Variants in CDH13 observed in about 807,000 individuals in gnomAD.
CDH13 encodes the protein cadherin-13.
A neutral mutation model predicts 63.8 loss-of-function variants in CDH13; 24 were observed. The ratio of observed to expected loss-of-function variants is 0.38; its 90% CI spans 0.27 to 0.53. The LOEUF is 0.53. Among genes scored for constraint, CDH13 ranks in the 20% least tolerant of loss-of-function variants. The pLI, the probability that CDH13 is intolerant of heterozygous loss-of-function variation, is 0.85. For synonymous variants in CDH13, 503 were observed against 355.3 expected (o/e 1.42, Z -4.67); for missense variants, 1,049 against 903.1 (o/e 1.16, Z -2.07).
intron 1 of CDH13, among the ~76,000 whole-genome samples, chr16:82,777,571 A>G (rs2035555402): frequency 6.6e-6 from 1 of 152,220 alleles, no homozygotes; most frequent in South Asian, 2.1e-4. Flanking sequence ...CTGTATTAGT[A>G]ATCTATGGTT....
chr16:83,576,253 A>C lies in CDH13; in HGVS notation c.961-26201A>C, dbSNP rs567887671. On this transcript the variant is annotated intron_variant, in intron 7 of 13. Coordinates refer to ENST00000567109, the MANE Select transcript of CDH13 (RefSeq NM_001257.5). ...CTGGACCTTCCATATAAATGAACTC[A>C]TTCAATCTGTGACATTTTCGTGTCT... Among the ~76,000 whole-genome samples, 20 of 152,310 alleles carry C rather than the reference A, an allele frequency of 1.3e-4. No homozygotes were observed. The South Asian group carries it at 3.9e-3, about 30-fold the overall frequency.
chr16:83,540,493 A>G (rs2075278845), intron 7 of CDH13, among the ~76,000 whole-genome samples: 1 of 152,172 alleles, frequency 6.6e-6, no homozygotes, highest in Non-Finnish European at 1.5e-5. Context: ...GGGCTCTAGA[A>G]GCTCAGGGGT....
At position 83,379,936 on chromosome 16, in the gene CDH13, TATAGAG is replaced by T. The variant is rs928532532; in HGVS notation, c.781+34932_781+34937del. Among the ~76,000 whole-genome samples the T allele has an allele frequency of 2.3e-4, 21 of 91,814 alleles. No homozygotes were observed. The East Asian group carries it at 4.7e-3, about 21-fold the overall frequency. The allele number at this position is 91,814 out of a possible 152,430, so 60.2% of individuals were successfully genotyped here. A position where few individuals can be genotyped will look rare whatever the true frequency, so the allele number is the denominator to read the frequency against. The stretch of plus-strand genomic sequence containing the variant: ...GTGTGTGTGTATATATATATATATA[TATAGAG>T]AGAGAGAGAGAGAGAGAGAGAGAGA... On this transcript the variant is annotated intron_variant, in intron 6 of 13. Transcript: ENST00000567109.
chr16:82,889,432 G>A (rs1383956363), intron 2 of CDH13, among the ~76,000 whole-genome samples: 1 of 152,134 alleles, frequency 6.6e-6, no homozygotes, highest in African/African-American at 2.4e-5. Flanking sequence ...CGGGTTGATG[G>A]AAGAAAAAAT....
intron 2 of CDH13, among the ~76,000 whole-genome samples, chr16:82,943,826 G>T (rs1904394727): frequency 6.6e-6 from 1 of 152,192 alleles, no homozygotes; most frequent in South Asian, 2.1e-4. Flanking sequence ...TATTAATAAT[G>T]ACTTAGTTTT....
chr16:82,984,629 G>A (rs577832879), intron 2 of CDH13, among the ~76,000 whole-genome samples: 1 of 152,284 alleles, frequency 6.6e-6, no homozygotes, highest in South Asian at 2.1e-4. Flanking sequence ...TGTAGCAACT[G>A]TCTGAAGAAG....
At chr16:82,746,697 AT>A (rs1287074759) in intron 1 of CDH13, among the ~76,000 whole-genome samples, 1 of 152,092 alleles carries the variant, frequency 6.6e-6, no homozygotes, top group Non-Finnish European at 1.5e-5. Context: ...ATACAATTTC[AT>A]TTTCCTAAGA....
chr16:83,563,630 A>G (rs993622715), intron 7 of CDH13, among the ~76,000 whole-genome samples: 1 of 152,198 alleles, frequency 6.6e-6, no homozygotes, highest in African/African-American at 2.4e-5. Flanking sequence ...ACTGAAGTGC[A>G]AGTTTCCTCT....
chr16:82,716,847 C>G (rs1200127835), intron 1 of CDH13, among the ~76,000 whole-genome samples: 1 of 151,774 alleles, frequency 6.6e-6, no homozygotes, highest in Non-Finnish European at 1.5e-5. Flanking sequence ...TCTTCTTTGT[C>G]CTTTGCCTCA....
rs538434190 is a variant in CDH13 at position 83,800,507 on chromosome 16, C to T, written c.*5477C>T. 1 of 152,340 alleles carries T rather than the reference C, an allele frequency of 6.6e-6. No individual in the cohort carries two copies. The highest frequency in any genetic ancestry group is 2.1e-4 in the South Asian group (1 of 4,826). 9.4% of individuals were successfully genotyped at this position (152,340 alleles called of 1,614,324 possible). A position where few individuals can be genotyped will look rare whatever the true frequency, so the allele number is the denominator to read the frequency against. On this transcript the variant is annotated 3_prime_UTR_variant, in exon 14 of 14. Coordinates refer to ENST00000567109, the MANE Select transcript of CDH13 (RefSeq NM_001257.5). ...AATATTCAGTCTATGGCAGATGTCG[C>T]TCCTTTGGGCCCTCACTGCTGAATT...
chr16:82,946,304 C>T (rs1386866077), intron 2 of CDH13, among the ~76,000 whole-genome samples: 1 of 152,062 alleles, frequency 6.6e-6, no homozygotes, highest in African/African-American at 2.4e-5. Flanking sequence ...GAAAGAAGAA[C>T]ATCAGCAGCT....
At chr16:83,575,073 C>T (rs1018440698) in intron 7 of CDH13, among the ~76,000 whole-genome samples, 4 of 152,102 alleles carry the variant, frequency 2.6e-5, no homozygotes, top group Admixed American at 6.5e-5. Flanking sequence ...TAAAAATGAA[C>T]GAAGCACTGT....
At chr16:83,375,769 C>A (rs2091448789) in intron 6 of CDH13, among the ~76,000 whole-genome samples, 1 of 151,986 alleles carries the variant, frequency 6.6e-6, no homozygotes. Context: ...AAGCTTGTTG[C>A]AGGAAGAATG....
chr16:83,581,250 C>T (rs1195928520), intron 7 of CDH13, among the ~76,000 whole-genome samples: 2 of 152,126 alleles, frequency 1.3e-5, no homozygotes, highest in Non-Finnish European at 1.5e-5. Context: ...GTCATTTATC[C>T]CTGAGTACAG....
chr16:82,871,508 T>C (rs1457609572), intron 2 of CDH13, among the ~76,000 whole-genome samples: 1 of 151,474 alleles, frequency 6.6e-6, no homozygotes, highest in Non-Finnish European at 1.5e-5. Context: ...CTAAAAGAGG[T>C]TTTCCGAAAG....
At chr16:82,684,045 A>T (rs997202802) in intron 1 of CDH13, among the ~76,000 whole-genome samples, 2 of 152,210 alleles carry the variant, frequency 1.3e-5, no homozygotes, top group Non-Finnish European at 2.9e-5. Flanking sequence ...AGGACTATTT[A>T]TATTGAGGCA....
chr16:83,495,281 A>C (rs938224827), intron 7 of CDH13, among the ~76,000 whole-genome samples: 1 of 152,236 alleles, frequency 6.6e-6, no homozygotes, highest in Non-Finnish European at 1.5e-5. Context: ...AGGCAGGACA[A>C]CTGGAGGAGG....
At chr16:82,757,363 G>A (rs575240713) in intron 1 of CDH13, among the ~76,000 whole-genome samples, 1 of 152,286 alleles carries the variant, frequency 6.6e-6, no homozygotes, top group Non-Finnish European at 1.5e-5. Flanking sequence ...CAAGTCCAAA[G>A]GCCCTTGTCT....
intron 2 of CDH13, among the ~76,000 whole-genome samples, chr16:82,982,441 T>C (rs146208659): frequency 3.9e-5 from 6 of 152,304 alleles, no homozygotes; most frequent in African/African-American, 1.2e-4. Flanking sequence ...TCCTAAAAAA[T>C]CTAAAGTGTC....
Sources: gnomAD v4.1 joint callset for allele counts (sites outside exome capture counted in the v4.1 genomes callset) on GRCh38, gnomAD v4.1.1 for gene constraint, MANE v1.5 for transcripts, NCBI Gene and HGNC (gene_info 2026-07-23, HGNC 2026-07-21) for gene names.